The following OCA2 variants were observed in gnomAD, a reference collection of about 807,000 sequenced individuals.
OCA2 encodes the protein OCA2 melanosomal transmembrane protein, also known as P protein.
A neutral mutation model predicts 100.2 loss-of-function variants in OCA2; 77 were observed. The observed-to-expected ratio is 0.77, with a 90% CI of 0.64 to 0.93. The LOEUF (loss-of-function observed/expected upper bound fraction) is 0.93. Among genes scored for constraint, OCA2 ranks in the 40% least tolerant of loss-of-function variants. The pLI, the probability that OCA2 is intolerant of heterozygous loss-of-function variation, is 0.00. For missense variants in OCA2, 1,062 were observed against 1,089.1 expected (o/e 0.98, Z 0.35); for synonymous variants, 432 against 439.2 (o/e 0.98, Z 0.21).
intron 18 of OCA2, among the ~76,000 whole-genome samples, chr15:27,950,030 A>T (rs942483970): frequency 6.6e-6 from 1 of 152,004 alleles, no homozygotes; most frequent in Non-Finnish European, 1.5e-5. Flanking sequence ...GACATTTTGT[A>T]AAAAAAACGT....
intron 19 of OCA2, among the ~76,000 whole-genome samples, chr15:27,900,032 G>A (rs1391283724): frequency 6.6e-6 from 1 of 152,104 alleles, no homozygotes; most frequent in East Asian, 1.9e-4. Flanking sequence ...ACCTGAGGTG[G>A]GATAGGCAGT....
intron 14 of OCA2, among the ~76,000 whole-genome samples, chr15:27,979,026 A>G (rs942809923): frequency 6.6e-6 from 1 of 152,220 alleles, no homozygotes; most frequent in Admixed American, 6.5e-5. Context: ...TGTAAGCAGC[A>G]TAATGCAGAT....
chr15:27,880,191 A>G (rs769407629), intron 19 of OCA2, among the ~76,000 whole-genome samples: 5 of 151,974 alleles, frequency 3.3e-5, no homozygotes, highest in East Asian at 3.9e-4. Context: ...TGAGATCTCT[A>G]TTCTGTTCCA....
chr15:27,905,184 G>A (rs2038127947), intron 19 of OCA2, among the ~76,000 whole-genome samples: 1 of 125,610 alleles, frequency 8.0e-6, no homozygotes. Context: ...AAAAAAAATT[G>A]GCAATGTGGA....
At chr15:27,950,840 G>A (rs1287330095) in intron 18 of OCA2, among the ~76,000 whole-genome samples, 3 of 152,144 alleles carry the variant, frequency 2.0e-5, no homozygotes, top group African/African-American at 2.4e-5. Context: ...CACTTTCTAC[G>A]GCAGCTGCAC....
intron 19 of OCA2, among the ~76,000 whole-genome samples, chr15:27,879,210 AT>A (rs1237067251): frequency 1.3e-5 from 2 of 152,146 alleles, no homozygotes; most frequent in African/African-American, 4.8e-5. Context: ...GCTGCAGAGT[AT>A]TGCATGTTGT....
intron 9 of OCA2, among the ~76,000 whole-genome samples, chr15:28,012,950 G>A (rs939900908): frequency 1.3e-5 from 2 of 152,208 alleles, no homozygotes; most frequent in East Asian, 3.8e-4. Context: ...TCATTACTAA[G>A]AAAGTTGATC....
At chr15:27,798,036 G>A (rs1216175018) in intron 23 of OCA2, among the ~76,000 whole-genome samples, 1 of 152,260 alleles carries the variant, frequency 6.6e-6, no homozygotes, top group African/African-American at 2.4e-5. Flanking sequence ...ACCAGGGTGT[G>A]CAGGGTGGGC....
At chr15:27,810,653 T>C (rs755165829) in intron 23 of OCA2, among the ~76,000 whole-genome samples, 13 of 151,880 alleles carry the variant, frequency 8.6e-5, no homozygotes, top group Non-Finnish European at 1.5e-4. Flanking sequence ...CCAGAATCCA[T>C]AGGGAAAAAA....
At chr15:27,761,104 C>T (rs2030796429) in intron 23 of OCA2, among the ~76,000 whole-genome samples, 1 of 151,612 alleles carries the variant, frequency 6.6e-6, no homozygotes, top group African/African-American at 2.4e-5. Flanking sequence ...AGGCAAAAGA[C>T]ACATAGACTA....
intron 23 of OCA2, among the ~76,000 whole-genome samples, chr15:27,814,857 T>C (rs1264987028): frequency 6.6e-6 from 1 of 151,744 alleles, no homozygotes; most frequent in African/African-American, 2.4e-5. Context: ...CACTCCAGCC[T>C]GGGCAACAGG....
At chr15:27,759,934 A>C (rs2030697654) in intron 23 of OCA2, among the ~76,000 whole-genome samples, 1 of 152,168 alleles carries the variant, frequency 6.6e-6, no homozygotes, top group Admixed American at 6.5e-5. Context: ...ACATTTAGCA[A>C]GACAGATCAT....
intron 23 of OCA2, among the ~76,000 whole-genome samples, chr15:27,756,124 C>T (rs2030347914): frequency 6.6e-6 from 1 of 152,250 alleles, no homozygotes; most frequent in Non-Finnish European, 1.5e-5. Context: ...CCCCAGCTTC[C>T]AGGCACTGAC....
At chr15:28,026,774 G>A (rs1034385819) in intron 4 of OCA2, among the ~76,000 whole-genome samples, 1 of 152,220 alleles carries the variant, frequency 6.6e-6, no homozygotes, top group African/African-American at 2.4e-5. Flanking sequence ...GGAGCGTGCA[G>A]GCGGGTACAC....
intron 23 of OCA2, among the ~76,000 whole-genome samples, chr15:27,821,582 T>C (rs2034504138): frequency 6.6e-6 from 1 of 151,596 alleles, no homozygotes; most frequent in African/African-American, 2.4e-5. Context: ...CATGCAGACA[T>C]GGGCCACACG....
intron 19 of OCA2, among the ~76,000 whole-genome samples, chr15:27,907,469 A>G (rs1400166681): frequency 2.0e-5 from 3 of 152,174 alleles, no homozygotes; most frequent in African/African-American, 7.2e-5. Context: ...CTAGAAAAAA[A>G]CAAAGTCCAC....
chr15:27,737,469 G>C, the OCA2 span, among the ~76,000 whole-genome samples: 9 of 152,238 alleles, frequency 5.9e-5, no homozygotes, highest in African/African-American at 2.2e-4. Flanking sequence ...TATGTCAATA[G>C]AACAGAATAG....
At chr15:27,959,881 T>C (rs1348440696) in intron 15 of OCA2, among the ~76,000 whole-genome samples, 4 of 152,226 alleles carry the variant, frequency 2.6e-5, no homozygotes, top group African/African-American at 9.6e-5. Context: ...TAGTACACTT[T>C]TGTATTCCTA....
At chr15:28,095,346 C>A (rs1202522279) in intron 1 of OCA2, among the ~76,000 whole-genome samples, 1 of 152,200 alleles carries the variant, frequency 6.6e-6, no homozygotes, top group Non-Finnish European at 1.5e-5. Flanking sequence ...GAAACGACAG[C>A]CGGCAGCAGG....
Sources: gnomAD v4.1 joint callset for allele counts (sites outside exome capture counted in the v4.1 genomes callset) on GRCh38, gnomAD v4.1.1 for gene constraint, MANE v1.5 for transcripts, NCBI Gene and HGNC (gene_info 2026-07-23, HGNC 2026-07-21) for gene names.